PDE4D: variants seen among roughly 807,000 people sequenced by gnomAD.
The protein encoded by PDE4D is phosphodiesterase 4D.
In PDE4D, 24 loss-of-function variants were observed where a neutral mutation model predicts 87.4. That is an observed-to-expected ratio of 0.27 (90% CI 0.20 to 0.39). PDE4D has a LOEUF of 0.39. PDE4D is among the 10% of genes least tolerant of loss of function. The probability of loss-of-function intolerance (pLI) is 1.00; values close to 1 mark genes in which losing one functional copy is unlikely to be tolerated. For synonymous variants in PDE4D, 384 were observed against 383.2 expected, an observed-to-expected ratio of 1.00 and a Z score of -0.02; for missense variants, 714 against 1,041.0, an observed-to-expected ratio of 0.69 and a Z score of 4.32.
intron 6 of PDE4D, among the ~76,000 whole-genome samples, chr5:59,022,637 G>T (rs1051450636): frequency 6.6e-6 from 1 of 151,958 alleles, no homozygotes; most frequent in South Asian, 2.1e-4. Flanking sequence ...TAGTCACTTG[G>T]TCTCCTCATC....
Position 59,054,007 on chromosome 5 carries a change from T to C in PDE4D, c.809-15036A>G, listed in dbSNP as rs550382133. Among the ~76,000 whole-genome samples the C allele has an allele frequency of 2.0e-5, 3 of 152,326 alleles. No homozygotes were observed. In the South Asian group the frequency reaches 6.2e-4, roughly 32 times the overall value. The stretch of plus-strand genomic sequence containing the variant: ...GGAATTACTAATTCAGTTTACATAA[T>C]TTATTCAATGAATAAATTATTCAAT... On this transcript the variant is annotated intron_variant, in intron 5 of 14. Transcript: ENST00000340635.
At chr5:59,850,967 T>G (rs1284491967) in intron 1 of PDE4D, among the ~76,000 whole-genome samples, 1 of 152,090 alleles carries the variant, frequency 6.6e-6, no homozygotes, top group African/African-American at 2.4e-5. Flanking sequence ...CTATTCATGG[T>G]GCCTCCTATA....
At chr5:59,319,972 C>G (rs961602453) in intron 1 of PDE4D, among the ~76,000 whole-genome samples, 8 of 151,992 alleles carry the variant, frequency 5.3e-5, no homozygotes, top group African/African-American at 1.9e-4. Context: ...AGTCTCTGCA[C>G]CATTTCTAAA....
intron 1 of PDE4D, among the ~76,000 whole-genome samples, chr5:60,473,436 G>C (rs892154778): frequency 2.0e-5 from 3 of 152,054 alleles, no homozygotes; most frequent in African/African-American, 7.2e-5. Flanking sequence ...ACTTTCAAAT[G>C]GTTTAGAAAA....
chr5:59,140,308 G>T (rs182866424), intron 5 of PDE4D, among the ~76,000 whole-genome samples: 1 of 152,260 alleles, frequency 6.6e-6, no homozygotes, highest in East Asian at 1.9e-4. Flanking sequence ...ATGATGCCTG[G>T]TCTAAGAGCT....
intron 6 of PDE4D, among the ~76,000 whole-genome samples, chr5:59,036,270 TAGAGTA>T (rs1758479523): frequency 6.6e-6 from 1 of 152,194 alleles, no homozygotes; most frequent in Admixed American, 6.5e-5. Context: ...TTCAATCTAT[TAGAGTA>T]AATTTTTTAA....
intron 5 of PDE4D, among the ~76,000 whole-genome samples, chr5:59,100,637 CA>C (rs1223567906): frequency 2.6e-5 from 4 of 152,104 alleles, no homozygotes; most frequent in African/African-American, 7.2e-5. Flanking sequence ...AGGAGCTACT[CA>C]ATAGTTTGCT....
At chr5:59,169,589 C>A (rs940156673) in intron 5 of PDE4D, among the ~76,000 whole-genome samples, 2 of 152,174 alleles carry the variant, frequency 1.3e-5, no homozygotes, top group Non-Finnish European at 2.9e-5. Context: ...TCTTCTTTCA[C>A]TAATCGTGGA....
At chr5:59,981,413 C>G (rs908100998) in intron 3 of PDE4D, among the ~76,000 whole-genome samples, 5 of 152,134 alleles carry the variant, frequency 3.3e-5, no homozygotes, top group African/African-American at 1.2e-4. Flanking sequence ...TCATAAATTG[C>G]ATGTAAATCA....
chr5:59,175,781 A>AT lies in PDE4D; in HGVS notation c.808+4813dup, dbSNP rs57572403. ...GCATGAGCCACCATGCCCGGCCTCC[A>AT]TTTTTTTTTTTTTTTTTTTTTTTTT... On this transcript the variant is annotated intron_variant, in intron 5 of 14. Transcript: ENST00000340635. Among the ~76,000 whole-genome samples, 9 of 94,582 alleles carry AT rather than the reference A, an allele frequency of 9.5e-5. No homozygotes were observed. The East Asian group carries it at 2.3e-3, about 24-fold the overall frequency. The allele number at this position is 94,582 out of a possible 152,430, so 62.0% of individuals were successfully genotyped here.
rs562585715 is a variant in PDE4D, at chr5:59,057,703, T to C, written c.809-18732A>G. Among the ~76,000 whole-genome samples, 3 of 152,314 alleles carry C rather than the reference T, an allele frequency of 2.0e-5. No homozygotes were observed. In the South Asian group the frequency reaches 6.2e-4, roughly 32 times the overall value. ...ATCTAATTAAACAAGCAAACCTTTT[T>C]AGCCCAGACATCCTAAATCTCTGTA... On this transcript the variant is annotated intron_variant, in intron 5 of 14. Coordinates refer to ENST00000340635, the MANE Select transcript of PDE4D (RefSeq NM_001104631.2).
intron 1 of PDE4D, among the ~76,000 whole-genome samples, chr5:60,236,932 G>A (rs113706336): frequency 0.014 from 2,077 of 152,034 alleles, 23 homozygotes; most frequent in Middle Eastern, 0.034. Flanking sequence ...CTGTAAAATC[G>A]TAAGTTTATG....
At chr5:60,473,129 AAGGAAGGAAGG>A (rs1747965805) in intron 1 of PDE4D, among the ~76,000 whole-genome samples, 682 of 62,484 alleles carry the variant, frequency 0.011, 8 homozygotes, top group African/African-American at 0.036. Context: ...GAAAGAAAGG[AAGGAAGGAAGG>A]AAGGAAGGAA....
intron 5 of PDE4D, chr5:59,039,800 G>GGCGCGA (rs1252084612): frequency 6.5e-6 from 1 of 152,728 alleles, no homozygotes; most frequent in South Asian, 2.1e-4. Context: ...AGGAGGCGCG[G>GGCGCGA]GCGCGAGCGT....
At chr5:59,042,036 A>G (rs145905197) in intron 5 of PDE4D, among the ~76,000 whole-genome samples, 30 of 152,306 alleles carry the variant, frequency 2.0e-4, no homozygotes, top group African/African-American at 7.2e-4. Context: ...GTAAGCATAT[A>G]TTTTAAGTTC....
intron 2 of PDE4D, among the ~76,000 whole-genome samples, chr5:60,109,621 A>T (rs1471251868): frequency 8.5e-5 from 13 of 152,180 alleles, no homozygotes; most frequent in Non-Finnish European, 1.5e-4. Flanking sequence ...CAAATGTCCA[A>T]CAATGATAGA....
chr5:59,318,195 T>C (rs1408554776), intron 1 of PDE4D, among the ~76,000 whole-genome samples: 1 of 152,174 alleles, frequency 6.6e-6, no homozygotes, highest in African/African-American at 2.4e-5. Flanking sequence ...CTGGAGGCAT[T>C]TTTATAAATG....
At chr5:60,093,807 T>G (rs970503480) in intron 2 of PDE4D, among the ~76,000 whole-genome samples, 12 of 152,310 alleles carry the variant, frequency 7.9e-5, no homozygotes, top group African/African-American at 2.9e-4. Flanking sequence ...CAACAAGTTT[T>G]GGTGGTAAGT....
At chr5:59,887,537 A>G (rs1240323807) in intron 1 of PDE4D, among the ~76,000 whole-genome samples, 1 of 152,228 alleles carries the variant, frequency 6.6e-6, no homozygotes, top group African/African-American at 2.4e-5. Flanking sequence ...GATGGATAAT[A>G]AGCTGTGAGA....
Sources: gnomAD v4.1 joint callset for allele counts (sites outside exome capture counted in the v4.1 genomes callset) on GRCh38, gnomAD v4.1.1 for gene constraint, MANE v1.5 for transcripts, NCBI Gene and HGNC (gene_info 2026-07-23, HGNC 2026-07-21) for gene names.